The following DNAH6 variants were observed in gnomAD, a reference collection of about 807,000 sequenced individuals.
DNAH6 encodes axonemal beta dynein heavy chain 6.
DNAH6 carries 340 observed loss-of-function variants against 491.4 expected under a neutral mutation model. The observed-to-expected ratio is 0.69, with a 90% CI of 0.63 to 0.76. The LOEUF (loss-of-function observed/expected upper bound fraction) is 0.76. Ranked by LOEUF, DNAH6 falls within the 30% of genes least tolerant of loss-of-function variation. The pLI is 0.00. For missense variants in DNAH6, 4,443 were observed against 4,972.2 expected (o/e 0.89, Z 3.20); for synonymous variants, 1,603 against 1,686.1 (o/e 0.95, Z 1.21).
the DNAH6 span, among the ~76,000 whole-genome samples, chr2:84,497,239 G>A: frequency 6.6e-6 from 1 of 152,072 alleles, no homozygotes; most frequent in Non-Finnish European, 1.5e-5. Flanking sequence ...CCAAAGTGCT[G>A]GGAATACAGG....
In DNAH6 at chr2:84,697,656, C is replaced by T; in HGVS notation, c.7606C>T (p.Leu2536=). ...GCCTAATTTATTTGAAAAGGATGAA[C>T]TGGAGCAGGTTTTAGCGGCCACCAG... The part of the protein sequence containing the change: ...EVPNLFEKDE[L]EQVLAATRPR... The change falls in exon 47 of 77, where the codon CTG becomes TTG. Residue 2536 remains leucine, a synonymous_variant. Coordinates refer to ENST00000389394, the MANE Select transcript of DNAH6 (RefSeq NM_001370.2). 2 of 1,551,906 alleles carry T rather than the reference C, an allele frequency of 1.3e-6. No homozygotes were observed. The highest frequency in any genetic ancestry group is 1.7e-6 in the Non-Finnish European group (2 of 1,147,024).
intron 63 of DNAH6, among the ~76,000 whole-genome samples, chr2:84,759,007 G>A (rs1242163564): frequency 6.6e-6 from 1 of 152,044 alleles, no homozygotes; most frequent in African/African-American, 2.4e-5. Flanking sequence ...AATTATTCCT[G>A]TTTATTGATG....
At chr2:84,742,337 CTTTCT>C (rs1672604879) in intron 62 of DNAH6, among the ~76,000 whole-genome samples, 1 of 152,078 alleles carries the variant, frequency 6.6e-6, no homozygotes, top group Non-Finnish European at 1.5e-5. Context: ...ACATGAAAGT[CTTTCT>C]TTTAACAGAC....
At chr2:84,464,534 G>A in the DNAH6 span, among the ~76,000 whole-genome samples, 16 of 152,206 alleles carry the variant, frequency 1.1e-4, no homozygotes, top group Admixed American at 1.0e-3. Context: ...AGGAATAAAA[G>A]AATGGCTACT....
At position 84,517,879 on chromosome 2, in the gene DNAH6, A is replaced by G. The variant is rs78906097; in HGVS notation, c.53A>G (p.Tyr18Cys). 6.4e-7 allele frequency: 1 copy of G among 1,551,814 alleles called. No homozygotes were observed. Among genetic ancestry groups the G allele is most frequent in the Non-Finnish European group, 8.7e-7 (1 of 1,147,016 alleles). Residue 18 changes from tyrosine to cysteine, a missense_variant, in exon 2 of 77, where the codon TAT becomes TGT. Physicochemically the swap from Tyr to Cys is radical, Grantham distance 194. Transcript: ENST00000389394. ...SEFDLTNIEE[Y>C]AENSALSRLN... ...TTTGACCTGACAAATATTGAAGAGTATGCCGAAAATTCTGCACTTTCAAGA... is the reference window on the plus strand; with the variant it reads ...TTTGACCTGACAAATATTGAAGAGTGTGCCGAAAATTCTGCACTTTCAAGA...
chr2:84,812,336 T>C lies in DNAH6; in HGVS notation c.11740-5T>C. The C allele has an allele frequency of 1.3e-6, 2 of 1,551,142 alleles. No homozygotes were observed. The highest frequency in any genetic ancestry group is 1.2e-5 in the South Asian group (1 of 83,946). On this transcript the variant is annotated splice_polypyrimidine_tract_variant and splice_region_variant and intron_variant, in intron 72 of 76. Coordinates refer to ENST00000389394, the MANE Select transcript of DNAH6 (RefSeq NM_001370.2). Reference sequence around the variant, plus strand: ...AGGCCACCAACCCCTTTTTTGTTCTTTCAGACTTCTCTGGAAACACTCAAC... The same window carrying C: ...AGGCCACCAACCCCTTTTTTGTTCTCTCAGACTTCTCTGGAAACACTCAAC...
At chr2:84,792,837 T>C (rs1352127355) in intron 68 of DNAH6, among the ~76,000 whole-genome samples, 1 of 152,116 alleles carries the variant, frequency 6.6e-6, no homozygotes, top group Non-Finnish European at 1.5e-5. Context: ...CATGGAGATA[T>C]AGCAATACCC....
At chr2:84,510,427 A>G in the DNAH6 span, among the ~76,000 whole-genome samples, 1 of 152,212 alleles carries the variant, frequency 6.6e-6, no homozygotes, top group African/African-American at 2.4e-5. Context: ...CAGCTCCATC[A>G]GGTCCTTTAA....
intron 42 of DNAH6, 119 bp from the exon 43 acceptor site, chr2:84,685,207 C>T: frequency 3.3e-6 from 2 of 612,968 alleles, no homozygotes; most frequent in South Asian, 4.6e-5. Flanking sequence ...ACTGGGGAAG[C>T]AGTCATTTTT....
intron 68 of DNAH6, among the ~76,000 whole-genome samples, chr2:84,795,149 G>C (rs1193573293): frequency 7.5e-6 from 1 of 132,736 alleles, no homozygotes; most frequent in Non-Finnish European, 1.6e-5. Context: ...GGACACAGGA[G>C]GGGGAACATC....
rs1696349169 is a variant in DNAH6 at position 84,705,566 on chromosome 2, T to C, written c.8546T>C (p.Ile2849Thr). Residue 2849 changes from isoleucine (I) to threonine (T), a missense_variant, in exon 52 of 77, where the codon ATA becomes ACA. Physicochemically the swap from Ile to Thr is moderately conservative, Grantham distance 89 (BLOSUM62 -1). This residue lies in a region of DNAH6 where 1,463 missense variants were observed against 1,656.6 expected (regional missense o/e 0.88). Coordinates refer to ENST00000389394, the MANE Select transcript of DNAH6 (RefSeq NM_001370.2). ...KRLLEYDKENIKPQILAKLQK... is the reference protein window; with the variant it reads ...KRLLEYDKENTKPQILAKLQK... ...CTTTTAGAATATGATAAGGAGAACA[T>C]AAAGCCTCAGATATTGGCAAAGCTT... 6.4e-7 allele frequency: 1 copy of C among 1,551,598 alleles called. No homozygotes were observed.
upstream of DNAH6, among the ~76,000 whole-genome samples, chr2:84,512,094 T>C (rs1280336462): frequency 6.6e-6 from 1 of 152,226 alleles, no homozygotes; most frequent in East Asian, 1.9e-4. Context: ...GGACATTTTA[T>C]AGATGTTTTT....
At chr2:84,522,963 G>T (rs1676286721) in intron 2 of DNAH6, among the ~76,000 whole-genome samples, 1 of 152,118 alleles carries the variant, frequency 6.6e-6, no homozygotes, top group Non-Finnish European at 1.5e-5. Flanking sequence ...TTTCACATCA[G>T]GATGATGCTG....
chr2:84,489,691 G>C, the DNAH6 span, among the ~76,000 whole-genome samples: 1 of 132,572 alleles, frequency 7.5e-6, no homozygotes, highest in Non-Finnish European at 1.6e-5. Context: ...CTGTGAACTT[G>C]CTAGAATTCA....
intron 35 of DNAH6, among the ~76,000 whole-genome samples, chr2:84,656,132 T>C (rs774231289): frequency 6.6e-6 from 1 of 152,160 alleles, no homozygotes; most frequent in Non-Finnish European, 1.5e-5. Context: ...TGTGGGTTGG[T>C]AGCTTATTTC....
intron 62 of DNAH6, among the ~76,000 whole-genome samples, chr2:84,741,944 G>C (rs1199617325): frequency 6.6e-6 from 1 of 152,204 alleles, no homozygotes; most frequent in African/African-American, 2.4e-5. Context: ...CCCTCTTACT[G>C]TTTCCCTGCA....
intron 62 of DNAH6, among the ~76,000 whole-genome samples, chr2:84,735,071 C>T (rs1259258038): frequency 4.6e-5 from 7 of 152,084 alleles, no homozygotes; most frequent in Non-Finnish European, 8.8e-5. Context: ...CTTTCAGAGT[C>T]CTCAGGGTCT....
the DNAH6 span, chr2:84,460,115 C>T: frequency 6.6e-6 from 1 of 152,200 alleles, no homozygotes; most frequent in African/African-American, 2.4e-5. Context: ...TAATCTGCGT[C>T]TCTGCCGAAA....
upstream of DNAH6, among the ~76,000 whole-genome samples, chr2:84,514,625 G>C (rs1322657042): frequency 6.6e-6 from 1 of 152,084 alleles, no homozygotes; most frequent in Non-Finnish European, 1.5e-5. Context: ...ATAAAGCACA[G>C]TACTTGGCAC....
Sources: gnomAD v4.1 joint callset for allele counts (sites outside exome capture counted in the v4.1 genomes callset) on GRCh38, gnomAD v4.1.1 for gene constraint, gnomAD v4.1.1 regional missense constraint, MANE v1.5 for transcripts, NCBI Gene and HGNC (gene_info 2026-07-23, HGNC 2026-07-21) for gene names.